The following ZFPM2 variants were observed in gnomAD, a reference collection of about 807,000 sequenced individuals.
ZFPM2 encodes zinc finger protein, FOG family member 2.
ZFPM2 carries 20 observed loss-of-function variants against 98.6 expected under a neutral mutation model. The observed-to-expected ratio is 0.20, with a 90% confidence interval of 0.14 to 0.29. ZFPM2 has a LOEUF of 0.29. ZFPM2 is among the 10% of genes least tolerant of loss of function. ZFPM2 has a pLI of 1.00. For missense variants in ZFPM2, 1,310 were observed against 1,388.6 expected, an observed-to-expected ratio of 0.94 and a Z score of 0.90; for synonymous variants, 518 against 502.7, an observed-to-expected ratio of 1.03 and a Z score of -0.41.
At chr8:105,321,921 C>T (rs546664104) in intron 1 of ZFPM2, among the ~76,000 whole-genome samples, 1 of 152,234 alleles carries the variant, frequency 6.6e-6, no homozygotes, top group East Asian at 1.9e-4. Flanking sequence ...CTCAGTGCTC[C>T]TTGATTAGAC....
chr8:105,639,755 A>G (rs761900205), intron 5 of ZFPM2, among the ~76,000 whole-genome samples: 71 of 151,996 alleles, frequency 4.7e-4, no homozygotes, highest in Non-Finnish European at 7.2e-4. Flanking sequence ...CCAGGCCTCC[A>G]TGTTGGTATC....
chr8:105,782,397 C>T (rs917517597), intron 5 of ZFPM2: 33 of 152,198 alleles, frequency 2.2e-4, no homozygotes, highest in African/African-American at 8.0e-4. Flanking sequence ...CAATAAAGTG[C>T]TCTTCATAGT....
At chr8:105,369,537 G>T (rs2129805595) in intron 1 of ZFPM2, among the ~76,000 whole-genome samples, 1 of 152,232 alleles carries the variant, frequency 6.6e-6, no homozygotes, top group African/African-American at 2.4e-5. Context: ...GTTACTAGAT[G>T]ATGTTATGAG....
chr8:105,526,801 A>G (rs1436933255), intron 3 of ZFPM2, among the ~76,000 whole-genome samples: 1 of 152,158 alleles, frequency 6.6e-6, no homozygotes, highest in East Asian at 1.9e-4. Flanking sequence ...ATACAGTCCA[A>G]GTTGGGGTAC....
chr8:105,396,646 A>G (rs532569277), intron 1 of ZFPM2, among the ~76,000 whole-genome samples: 3 of 152,308 alleles, frequency 2.0e-5, no homozygotes, highest in African/African-American at 7.2e-5. Context: ...GAGCATAAAT[A>G]TCTTCCGTTA....
intron 3 of ZFPM2, among the ~76,000 whole-genome samples, chr8:105,540,757 T>C (rs1337186485): frequency 1.4e-4 from 21 of 152,122 alleles, no homozygotes; most frequent in Non-Finnish European, 1.5e-5. Context: ...TCTGTAGTTC[T>C]TTCCTGTGAA....
chr8:105,502,575 G>A (rs1339880698), intron 3 of ZFPM2, among the ~76,000 whole-genome samples: 2 of 152,154 alleles, frequency 1.3e-5, no homozygotes, highest in African/African-American at 4.8e-5. Context: ...AGAGCAAATC[G>A]TCAAACAATC....
At chr8:105,336,688 CCACA>C (rs139930523) in intron 1 of ZFPM2, among the ~76,000 whole-genome samples, 5,542 of 142,172 alleles carry the variant, frequency 0.039, 179 homozygotes, top group African/African-American at 0.085. Context: ...GTAATATACT[CCACA>C]CACACACACA....
At chr8:105,559,545 T>A (rs1045462865) in intron 3 of ZFPM2, among the ~76,000 whole-genome samples, 1 of 152,184 alleles carries the variant, frequency 6.6e-6, no homozygotes, top group African/African-American at 2.4e-5. Flanking sequence ...AACATGAAAT[T>A]GTTATGAACA....
intron 5 of ZFPM2, among the ~76,000 whole-genome samples, chr8:105,734,510 G>C (rs905126476): frequency 5.3e-5 from 8 of 151,908 alleles, no homozygotes; most frequent in Non-Finnish European, 1.2e-4. Context: ...AAGTATCCAC[G>C]AGATGGTTAA....
At chr8:105,451,713 C>T (rs1248434012) in intron 3 of ZFPM2, 2 of 152,100 alleles carry the variant, frequency 1.3e-5, no homozygotes, top group Admixed American at 6.5e-5. Flanking sequence ...GAACCATTGC[C>T]GTTGACACCT....
intron 5 of ZFPM2, among the ~76,000 whole-genome samples, chr8:105,694,302 A>G (rs1379145740): frequency 6.6e-6 from 1 of 151,840 alleles, no homozygotes; most frequent in African/African-American, 2.4e-5. Context: ...AATTTTTTTA[A>G]GTTTCATTAT....
chr8:105,683,573 A>C (rs1355049164), intron 5 of ZFPM2, among the ~76,000 whole-genome samples: 1 of 152,146 alleles, frequency 6.6e-6, no homozygotes, highest in Non-Finnish European at 1.5e-5. Flanking sequence ...ACACCCAGAC[A>C]ATCTTCCCTC....
At chr8:105,655,262 G>A (rs929712024) in intron 5 of ZFPM2, among the ~76,000 whole-genome samples, 4 of 117,700 alleles carry the variant, frequency 3.4e-5, no homozygotes, top group East Asian at 2.3e-4. Flanking sequence ...ACAGAGTTTC[G>A]CTCATGGTAC....
chr8:105,664,245 C>G (rs757349193), intron 5 of ZFPM2, among the ~76,000 whole-genome samples: 3 of 151,984 alleles, frequency 2.0e-5, no homozygotes, highest in Non-Finnish European at 2.9e-5. Context: ...GCAGATCTTG[C>G]AAATGCTAAC....
At chr8:105,561,551 TCTC>T in intron 4 of ZFPM2, 70 bp downstream of exon 4, 2 of 1,204,168 alleles carry the variant, frequency 1.7e-6, no homozygotes, top group Non-Finnish European at 2.3e-6. Flanking sequence ...GCTCAGAAAT[TCTC>T]TCTGCTTGCT....
intron 5 of ZFPM2, among the ~76,000 whole-genome samples, chr8:105,753,231 G>A (rs553559778): frequency 6.6e-6 from 1 of 152,214 alleles, no homozygotes; most frequent in South Asian, 2.1e-4. Flanking sequence ...CTAGGTTCCA[G>A]AGATCAGTAG....
intron 2 of ZFPM2, among the ~76,000 whole-genome samples, chr8:105,421,623 G>A (rs1298303523): frequency 2.6e-5 from 4 of 152,118 alleles, no homozygotes; most frequent in Admixed American, 6.5e-5. Flanking sequence ...TTAAGTTGAT[G>A]AGCTACAATG....
chr8:105,539,884 T>C (rs562728511), intron 3 of ZFPM2, among the ~76,000 whole-genome samples: 3 of 152,328 alleles, frequency 2.0e-5, no homozygotes, highest in Admixed American at 6.5e-5. Context: ...TATTCATTCA[T>C]GTTTCCTTCA....
Sources: gnomAD v4.1 joint callset for allele counts (sites outside exome capture counted in the v4.1 genomes callset) on GRCh38, gnomAD v4.1.1 for gene constraint, MANE v1.5 for transcripts, NCBI Gene and HGNC (gene_info 2026-07-23, HGNC 2026-07-21) for gene names.